CSMD2: variants seen among roughly 807,000 people sequenced by gnomAD.
CSMD2 encodes CUB and sushi domain-containing protein 2.
CSMD2 carries 130 observed loss-of-function variants against 398.5 expected under a neutral mutation model. The observed-to-expected ratio is 0.33, with a 90% CI of 0.28 to 0.38. CSMD2 has a LOEUF of 0.38. CSMD2 is among the 10% of genes least tolerant of loss of function. The probability of loss-of-function intolerance (pLI) is 1.00; values close to 1 mark genes in which losing one functional copy is unlikely to be tolerated. For missense variants in CSMD2, 3,829 were observed against 4,764.9 expected (o/e 0.80, Z 5.78); for synonymous variants, 1,828 against 1,908.5 (o/e 0.96, Z 1.10).
chr1:33,886,193 T>C (rs368583820), intron 5 of CSMD2, among the ~76,000 whole-genome samples: 10 of 152,084 alleles, frequency 6.6e-5, no homozygotes, highest in African/African-American at 2.4e-4. Context: ...CTATATTCCA[T>C]GGGTGACAGG....
At chr1:33,602,966 T>C (rs1640327354) in intron 42 of CSMD2, among the ~76,000 whole-genome samples, 1 of 152,226 alleles carries the variant, frequency 6.6e-6, no homozygotes. Flanking sequence ...TGATCTGCTC[T>C]TTCTAGAGTG....
intron 1 of CSMD2, among the ~76,000 whole-genome samples, chr1:34,104,316 C>G (rs1467990613): frequency 6.6e-6 from 1 of 152,110 alleles, no homozygotes; most frequent in Non-Finnish European, 1.5e-5. Flanking sequence ...TCAGTTGGTT[C>G]CCTTGGGTGT....
intron 3 of CSMD2, among the ~76,000 whole-genome samples, chr1:34,007,498 G>A (rs1202491252): frequency 6.6e-6 from 1 of 152,158 alleles, no homozygotes; most frequent in Admixed American, 6.5e-5. Flanking sequence ...GGGAGGGAGT[G>A]AAGAAATGGG....
chr1:33,566,963 A>C (rs1450401542), intron 53 of CSMD2, among the ~76,000 whole-genome samples: 1 of 152,222 alleles, frequency 6.6e-6, no homozygotes, highest in Non-Finnish European at 1.5e-5. Context: ...TGACATCCTA[A>C]TATCCTTTCT....
chr1:33,656,212 G>A (rs1004146782), intron 27 of CSMD2, among the ~76,000 whole-genome samples: 2 of 152,146 alleles, frequency 1.3e-5, no homozygotes, highest in South Asian at 2.1e-4. Flanking sequence ...GGGGTTAGGC[G>A]TGTCCTCACC....
chr1:33,804,945 A>ACTAC, intron 10 of CSMD2: 1 of 714,896 alleles, frequency 1.4e-6, no homozygotes, highest in Non-Finnish European at 2.6e-6. Flanking sequence ...CTCCCTCAGC[A>ACTAC]CTACCTGAAG....
intron 20 of CSMD2, among the ~76,000 whole-genome samples, chr1:33,715,678 C>T (rs1045951905): frequency 1.3e-5 from 2 of 152,036 alleles, no homozygotes; most frequent in Non-Finnish European, 2.9e-5. Context: ...TACTCCTGGC[C>T]GTGGCTGAGA....
intron 5 of CSMD2, among the ~76,000 whole-genome samples, chr1:33,902,779 G>T (rs1446281242): frequency 6.6e-6 from 1 of 152,124 alleles, no homozygotes; most frequent in Non-Finnish European, 1.5e-5. Context: ...GCTTAAGAGG[G>T]GTCCCTGGCG....
intron 32 of CSMD2, among the ~76,000 whole-genome samples, chr1:33,630,658 A>G (rs1388083224): frequency 6.6e-6 from 1 of 152,208 alleles, no homozygotes; most frequent in Non-Finnish European, 1.5e-5. Context: ...GTCCTTGGCT[A>G]CTGAAGGGAC....
Position 33,799,311 on chromosome 1 carries a change from G to A in CSMD2, c.1447-6785C>T, listed in dbSNP as rs548340775. On this transcript the variant is annotated intron_variant, in intron 10 of 70. Coordinates refer to ENST00000373381, the MANE Select transcript of CSMD2 (RefSeq NM_001281956.2). ...TCTTTACAGAAGAAGTTTGCTGATG[G>A]CTTCCCTAGAGCAATGGTTTTCAAA... Among the ~76,000 whole-genome samples, 107 of 152,298 alleles carry A rather than the reference G, an allele frequency of 7.0e-4. 3 individuals are homozygous for A. In the South Asian group the frequency reaches 0.021, roughly 30 times the overall value.
chr1:34,041,887 G>T (rs1212407979), intron 2 of CSMD2, among the ~76,000 whole-genome samples: 1 of 152,186 alleles, frequency 6.6e-6, no homozygotes, highest in Non-Finnish European at 1.5e-5. Flanking sequence ...ATCTGCCAAA[G>T]GTATGAGCGT....
chr1:33,776,032 A>G (rs1475621666), intron 12 of CSMD2, among the ~76,000 whole-genome samples: 1 of 152,232 alleles, frequency 6.6e-6, no homozygotes, highest in Non-Finnish European at 1.5e-5. Context: ...GATGGGGCCA[A>G]TACCAAACAG....
intron 48 of CSMD2, 144 bp from the exon 49 acceptor site, chr1:33,577,628 A>G: frequency 1.6e-6 from 1 of 642,852 alleles, no homozygotes. Context: ...GAAAGTCTGA[A>G]TGGTGGATAT....
chr1:33,946,722 G>A (rs1246525154), intron 3 of CSMD2, among the ~76,000 whole-genome samples: 2 of 151,288 alleles, frequency 1.3e-5, no homozygotes, highest in African/African-American at 2.4e-5. Flanking sequence ...AGGTTCAAGC[G>A]AGTCTCCTGC....
intron 21 of CSMD2, among the ~76,000 whole-genome samples, chr1:33,710,811 T>C (rs1291447143): frequency 1.3e-5 from 2 of 152,102 alleles, no homozygotes; most frequent in Admixed American, 1.3e-4. Context: ...ACATCTTGTG[T>C]TTTATCTTGT....
At chr1:33,854,713 T>C (rs929143283) in intron 5 of CSMD2, among the ~76,000 whole-genome samples, 2 of 152,172 alleles carry the variant, frequency 1.3e-5, no homozygotes, top group African/African-American at 4.8e-5. Context: ...CAACAAATTA[T>C]CAGAACTCTT....
rs140105777 is a variant in CSMD2, at chr1:33,739,321, G to T, written c.2187C>A (p.Asn729Lys). 5 of 1,613,096 alleles carry T rather than the reference G, an allele frequency of 3.1e-6. No individual in the cohort carries two copies. Among genetic ancestry groups the T allele is most frequent in the South Asian group, 2.2e-5 (2 of 90,958 alleles). ...CTGGAACGCCAGGATCCGGGCACTC[G>T]TTGTGTCGGAAGGCTGTGTAGATGG... ...FNITFTTFRH[N>K]ECPDPGVPVN... Residue 729 changes from asparagine (N) to lysine (K), a missense_variant, in exon 15 of 71, where the codon AAC becomes AAA. This residue lies in a region of CSMD2 where 2,001 missense variants were observed against 2,567.1 expected (regional missense o/e 0.78). Coordinates refer to ENST00000373381, the MANE Select transcript of CSMD2 (RefSeq NM_001281956.2).
chr1:33,580,980 G>A, intron 47 of CSMD2, 81 bp from the exon 48 acceptor site: 6 of 1,446,426 alleles, frequency 4.1e-6, no homozygotes, highest in Non-Finnish European at 4.7e-6. Context: ...GGCTCAGAGG[G>A]TGGGGTGACT....
intron 19 of CSMD2, among the ~76,000 whole-genome samples, chr1:33,717,031 G>C (rs1488945185): frequency 6.6e-6 from 1 of 152,148 alleles, no homozygotes; most frequent in Non-Finnish European, 1.5e-5. Flanking sequence ...TCACCAAGGA[G>C]TAAACAATTG....
Sources: allele counts gnomAD v4.1 joint callset (sites outside exome capture counted in the v4.1 genomes callset), GRCh38; gene constraint gnomAD v4.1.1; regional missense constraint gnomAD v4.1.1; transcripts MANE v1.5; gene names NCBI Gene and HGNC (gene_info 2026-07-23, HGNC 2026-07-21).